Variants in TJP1 observed in about 807,000 individuals in gnomAD.
TJP1 encodes the protein tight junction protein 1.
TJP1 carries 43 observed loss-of-function variants against 194.2 expected under a neutral mutation model. That is an observed-to-expected ratio of 0.22 (90% confidence interval 0.17 to 0.29). The LOEUF is 0.29. Ranked by LOEUF, TJP1 falls within the 10% of genes least tolerant of loss-of-function variation. The pLI is 1.00. For missense variants in TJP1, 1,971 were observed against 2,185.7 expected (o/e 0.90, Z 1.96); for synonymous variants, 801 against 779.0 (o/e 1.03, Z -0.47).
chr15:29,836,435 G>T (rs2152057492), intron 2 of TJP1, among the ~76,000 whole-genome samples: 1 of 151,832 alleles, frequency 6.6e-6, no homozygotes, highest in African/African-American at 2.4e-5. Context: ...ACCACGCCTG[G>T]CTAATTTTTT....
chr15:29,711,668 T>C (rs1285681382), intron 23 of TJP1, among the ~76,000 whole-genome samples: 2 of 152,188 alleles, frequency 1.3e-5, no homozygotes, highest in East Asian at 3.8e-4. Flanking sequence ...CACCCGGCCC[T>C]AGACCCACTT....
At chr15:29,968,275 G>A (rs1371730945) in intron 1 of TJP1, 3 of 984,936 alleles carry the variant, frequency 3.0e-6, no homozygotes, top group African/African-American at 1.8e-5. Context: ...TGATACCAAT[G>A]AATTCTTCTG....
intron 1 of TJP1, chr15:29,820,383 T>A: frequency 1.6e-6 from 1 of 618,776 alleles, no homozygotes; most frequent in Non-Finnish European, 2.9e-6. Flanking sequence ...ATACAGCATC[T>A]TAAAAAAAAG....
At chr15:29,800,280 A>G (rs952087251) in intron 2 of TJP1, among the ~76,000 whole-genome samples, 1 of 152,224 alleles carries the variant, frequency 6.6e-6, no homozygotes, top group African/African-American at 2.4e-5. Flanking sequence ...TATTATGCAT[A>G]CAACCTGGTT....
chr15:29,771,098 A>G (rs1049724881), intron 4 of TJP1, among the ~76,000 whole-genome samples: 3 of 152,154 alleles, frequency 2.0e-5, no homozygotes, highest in Non-Finnish European at 4.4e-5. Context: ...TACTTTTTCC[A>G]TGTTTAGACA....
At chr15:29,813,703 G>C (rs2049696892) in intron 1 of TJP1, among the ~76,000 whole-genome samples, 1 of 152,092 alleles carries the variant, frequency 6.6e-6, no homozygotes, top group African/African-American at 2.4e-5. Flanking sequence ...TTTGAAGAAG[G>C]GAGGATATGA....
At chr15:29,820,338 T>C (rs1008242859) in intron 1 of TJP1, among the ~76,000 whole-genome samples, 2 of 152,102 alleles carry the variant, frequency 1.3e-5, no homozygotes, top group African/African-American at 4.8e-5. Flanking sequence ...TTATGGCCTG[T>C]TTTGCTCTAT....
At chr15:29,779,187 A>ACCCT (rs2047199660) in intron 2 of TJP1, among the ~76,000 whole-genome samples, 1 of 152,038 alleles carries the variant, frequency 6.6e-6, no homozygotes, top group African/African-American at 2.4e-5. Flanking sequence ...AAGACCACCG[A>ACCCT]ACCTTCAACT....
chr15:29,951,447 C>A (rs140562483), intron 2 of TJP1, among the ~76,000 whole-genome samples: 1 of 152,034 alleles, frequency 6.6e-6, no homozygotes, highest in South Asian at 2.1e-4. Context: ...GGATTACAGG[C>A]ATGAACCTCC....
intron 8 of TJP1, chr15:29,760,240 G>A (rs1031196055): frequency 1.4e-6 from 1 of 702,278 alleles, no homozygotes. Context: ...CTGCGTGTAT[G>A]TGCACATGCA....
intron 1 of TJP1, among the ~76,000 whole-genome samples, chr15:29,957,919 T>C (rs147185460): frequency 6.0e-4 from 92 of 152,330 alleles, no homozygotes; most frequent in Non-Finnish European, 1.1e-3. Context: ...GGCAACTTTA[T>C]CACTTTATTA....
intron 1 of TJP1, among the ~76,000 whole-genome samples, chr15:29,818,794 C>T (rs927290741): frequency 6.7e-6 from 1 of 150,348 alleles, no homozygotes; most frequent in African/African-American, 2.5e-5. Context: ...GGGATTACAC[C>T]GCGCCCGGCC....
At chr15:29,829,571 A>G (rs2050773519) in intron 2 of TJP1, among the ~76,000 whole-genome samples, 1 of 151,856 alleles carries the variant, frequency 6.6e-6, no homozygotes, top group South Asian at 2.1e-4. Flanking sequence ...AGAAATTTAC[A>G]GCTCTTTAGA....
intron 2 of TJP1, among the ~76,000 whole-genome samples, chr15:29,833,879 ATATTTT>A (rs1353869659): frequency 2.9e-4 from 4 of 13,786 alleles, no homozygotes; most frequent in Admixed American, 8.9e-4. Context: ...ATATATATAT[ATATTTT>A]TTTTTTTTTT....
In TJP1 at chr15:29,726,939, T is replaced by C. The variant is rs774071639; in HGVS notation, c.2153A>G (p.Tyr718Cys). Residue 718 changes from tyrosine (Y) to cysteine (C), a missense_variant, in exon 17 of 28, where the codon TAT becomes TGT. Physicochemically the swap from Tyr to Cys is radical, Grantham distance 194 (BLOSUM62 -2). Transcript: ENST00000614355. ...TACAACAATTGGATACCACTGGGCA[T>C]AGTTAAGACGATCAACTGCATTTGG... ...VTPNAVDRLN[Y>C]AQWYPIVVFL... The C allele has an allele frequency of 6.2e-7, 1 of 1,614,238 alleles. No individual in the cohort carries two copies. The highest frequency in any genetic ancestry group is 8.5e-7 in the Non-Finnish European group (1 of 1,180,048).
intron 26 of TJP1, among the ~76,000 whole-genome samples, chr15:29,704,994 G>C (rs1236357484): frequency 1.3e-5 from 2 of 152,250 alleles, no homozygotes; most frequent in Non-Finnish European, 2.9e-5. Flanking sequence ...TATCCTGGTA[G>C]ATCCAGGAGG....
At chr15:29,862,895 G>T (rs1324098651) in intron 2 of TJP1, among the ~76,000 whole-genome samples, 9 of 150,330 alleles carry the variant, frequency 6.0e-5, no homozygotes, top group East Asian at 2.1e-4. Flanking sequence ...TGATCCGCCC[G>T]CCTCGGCCTC....
At chr15:29,790,140 G>A (rs539211002) in intron 2 of TJP1, among the ~76,000 whole-genome samples, 1 of 152,182 alleles carries the variant, frequency 6.6e-6, no homozygotes, top group Non-Finnish European at 1.5e-5. Flanking sequence ...GCAGGGTTGA[G>A]TAGTTTTGAC....
At chr15:29,833,881 A>ATATATTTTT (rs1555434000) in intron 2 of TJP1, among the ~76,000 whole-genome samples, 1 of 12,616 alleles carries the variant, frequency 7.9e-5, no homozygotes, top group African/African-American at 3.0e-4. Flanking sequence ...ATATATATAT[A>ATATATTTTT]TTTTTTTTTT....
Sources: allele counts gnomAD v4.1 joint callset (sites outside exome capture counted in the v4.1 genomes callset), GRCh38; gene constraint gnomAD v4.1.1; transcripts MANE v1.5; gene names NCBI Gene and HGNC (gene_info 2026-07-23, HGNC 2026-07-21).